FAM13B: variants seen among roughly 807,000 people sequenced by gnomAD.
The protein encoded by FAM13B is protein FAM13B.
Under a neutral mutation model 117.3 loss-of-function variants are expected in FAM13B, and 60 were observed. That is an observed-to-expected ratio of 0.51 (90% CI 0.42 to 0.63). The LOEUF is 0.63. Ranked by LOEUF, FAM13B falls within the 30% of genes least tolerant of loss-of-function variation. FAM13B has a pLI of 0.00. For synonymous variants in FAM13B, 332 were observed against 356.1 expected (o/e 0.93, Z 0.76); for missense variants, 972 against 1,091.9 (o/e 0.89, Z 1.55).
chr5:137,981,071 C>G (rs1048760356), intron 10 of FAM13B, among the ~76,000 whole-genome samples: 1 of 142,980 alleles, frequency 7.0e-6, no homozygotes, highest in African/African-American at 2.6e-5. Flanking sequence ...ACCACTACAC[C>G]TGGCTATTTT....
At chr5:138,046,540 G>T (rs564621860) in intron 1 of FAM13B, among the ~76,000 whole-genome samples, 25 of 152,192 alleles carry the variant, frequency 1.6e-4, no homozygotes, top group African/African-American at 6.0e-4. Context: ...TGTCTTTCTT[G>T]TATATGTTTT....
At chr5:137,990,002 A>G (rs1778210661) in intron 7 of FAM13B, among the ~76,000 whole-genome samples, 1 of 152,208 alleles carries the variant, frequency 6.6e-6, no homozygotes, top group Non-Finnish European at 1.5e-5. Context: ...TCTGTAGAAA[A>G]AAAACAAAAA....
At position 138,028,131 on chromosome 5, in the gene FAM13B, ACTAATACAGAAT is replaced by A. The variant is rs747918177; in HGVS notation, c.-203+4639_-203+4650del. ...AGTAATTTATCAGATACAAAGTATA[ACTAATACAGAAT>A]TCAGGACTAGAAAGTTTTTAAATTA... is the stretch of plus-strand genomic sequence containing the variant. On this transcript the variant is annotated intron_variant, in intron 1 of 23. Coordinates refer to ENST00000689681, the MANE Select transcript of FAM13B (RefSeq NM_001385994.1). Among the ~76,000 whole-genome samples the A allele has an allele frequency of 2.2e-3, 339 of 152,372 alleles. 1 individual carries two copies. The highest frequency in any genetic ancestry group is 2.8e-3 in the Non-Finnish European group (191 of 68,032).
intron 10 of FAM13B, among the ~76,000 whole-genome samples, chr5:137,963,668 G>A (rs1017402926): frequency 3.3e-5 from 5 of 152,270 alleles, no homozygotes; most frequent in East Asian, 1.9e-4. Flanking sequence ...GGTACCGATC[G>A]CTAGCCTGTT....
intron 10 of FAM13B, among the ~76,000 whole-genome samples, chr5:137,966,328 A>G (rs1441525971): frequency 1.3e-5 from 2 of 150,910 alleles, no homozygotes; most frequent in Non-Finnish European, 3.0e-5. Flanking sequence ...TCCCAGCTAC[A>G]TGGGAGGCTG....
At position 137,949,134 on chromosome 5, in the gene FAM13B, G is replaced by A. The variant is rs140846253; in HGVS notation, c.1981C>T (p.Arg661Cys). ...AAGCTTTTTGGAAGTGTGTTACTAC[G>A]TGGACGTGTCTGAGGTACAAATTCT... ...DGEFVPQTRPRSNTLPKSFGS... is the reference protein window; with the variant it reads ...DGEFVPQTRPCSNTLPKSFGS... Residue 661 changes from arginine (R) to cysteine (C), a missense_variant, in exon 18 of 24, where the codon CGT becomes TGT. Arg to Cys is a radical substitution (Grantham distance 180). Coordinates refer to ENST00000689681, the MANE Select transcript of FAM13B (RefSeq NM_001385994.1). The A allele has an allele frequency of 3.7e-5, 59 of 1,613,956 alleles. 1 individual carries two copies. In the Admixed American group the frequency reaches 6.0e-4, roughly 16 times the overall value.
At chr5:137,991,720 C>CT (rs1778640264) in intron 7 of FAM13B, among the ~76,000 whole-genome samples, 1 of 152,116 alleles carries the variant, frequency 6.6e-6, no homozygotes, top group African/African-American at 2.4e-5. Flanking sequence ...AATTTGGTAT[C>CT]CATATGGGAA....
intron 18 of FAM13B, 109 bp downstream of exon 18, chr5:137,948,827 AATCTGCAAAGATGGGGAGC>A: frequency 3.0e-6 from 2 of 673,414 alleles, no homozygotes; most frequent in Non-Finnish European, 2.6e-6. Context: ...CATGTTTCTG[AATCTGCAAAGATGGGGAGC>A]AGATTCAGGA....
At chr5:137,969,619 T>G (rs1379178651) in intron 10 of FAM13B, among the ~76,000 whole-genome samples, 1 of 152,202 alleles carries the variant, frequency 6.6e-6, no homozygotes, top group Non-Finnish European at 1.5e-5. Flanking sequence ...AGAATGACTT[T>G]GACGACCTGA....
At chr5:137,971,395 G>C (rs1055220633) in intron 10 of FAM13B, among the ~76,000 whole-genome samples, 8 of 151,524 alleles carry the variant, frequency 5.3e-5, no homozygotes, top group African/African-American at 1.9e-4. Flanking sequence ...CAGAAATAAA[G>C]ATGTTCTTTG....
At chr5:138,048,769 T>C (rs985077797) in intron 1 of FAM13B, among the ~76,000 whole-genome samples, 4 of 152,152 alleles carry the variant, frequency 2.6e-5, no homozygotes, top group African/African-American at 4.8e-5. Flanking sequence ...TATATATGCA[T>C]TACATGCTCT....
chr5:138,050,092 C>G (rs1000898769), intron 1 of FAM13B, among the ~76,000 whole-genome samples: 1 of 151,984 alleles, frequency 6.6e-6, no homozygotes, highest in African/African-American at 2.4e-5. Flanking sequence ...AAGCTATGAT[C>G]ACTCAACTGT....
intron 10 of FAM13B, among the ~76,000 whole-genome samples, chr5:137,974,222 T>C (rs897656634): frequency 3.3e-5 from 5 of 151,612 alleles, no homozygotes; most frequent in South Asian, 4.2e-4. Flanking sequence ...CCAACAATGA[T>C]AGACTGGATT....
chr5:138,020,100 G>T, intron 2 of FAM13B: 1 of 736,450 alleles, frequency 1.4e-6, no homozygotes, highest in Non-Finnish European at 1.7e-6. Context: ...CGCTCTTTTT[G>T]CCCAGGCTGG....
chr5:137,939,982 A>C lies in FAM13B; in HGVS notation c.*243T>G. 6.4e-7 allele frequency: 1 copy of C among 1,555,984 alleles called. No homozygotes were observed. The highest frequency in any genetic ancestry group is 8.7e-7 in the Non-Finnish European group (1 of 1,152,112). On this transcript the variant is annotated 3_prime_UTR_variant, in exon 24 of 24. Coordinates refer to ENST00000689681, the MANE Select transcript of FAM13B (RefSeq NM_001385994.1). ...ATCTGTAGTACAAAACAATGAAGTA[A>C]ACCATATGTTTGCTAAAGGTGGAGA...
In FAM13B at chr5:137,956,541, C is replaced by T. The variant is rs753844164; in HGVS notation, c.1443G>A (p.Ala481=). 2.3e-5 allele frequency: 36 copies of T among 1,587,426 alleles called. 1 individual carries two copies. The highest frequency in any genetic ancestry group is 8.1e-5 in the African/African-American group (6 of 74,490). ...KNVSDGDKWE[A]SCPITFPLID... Reference sequence around the variant, plus strand: ...TGAGGGGAAAAGTGATAGGGCATGACGCTAATAAAATGGAAAAAATGGCAA... The same window carrying T: ...TGAGGGGAAAAGTGATAGGGCATGATGCTAATAAAATGGAAAAAATGGCAA... Residue 481 remains alanine (A), a splice_region_variant and synonymous_variant, in exon 14 of 24, where the codon GCG becomes GCA. Coordinates refer to ENST00000689681, the MANE Select transcript of FAM13B (RefSeq NM_001385994.1).
intron 10 of FAM13B, among the ~76,000 whole-genome samples, chr5:137,964,582 G>A (rs1012023563): frequency 2.0e-5 from 3 of 151,488 alleles, no homozygotes; most frequent in African/African-American, 4.8e-5. Context: ...TTAGCCGGGC[G>A]TGGTAGCACA....
At chr5:137,967,004 G>A (rs1246031337) in intron 10 of FAM13B, among the ~76,000 whole-genome samples, 1 of 151,824 alleles carries the variant, frequency 6.6e-6, no homozygotes, top group Non-Finnish European at 1.5e-5. Context: ...ATATTCAAAT[G>A]TAGAAAATGA....
intron 1 of FAM13B, among the ~76,000 whole-genome samples, chr5:138,030,917 TA>T (rs1789781466): frequency 6.6e-6 from 1 of 151,608 alleles, no homozygotes; most frequent in Non-Finnish European, 1.5e-5. Context: ...CCGGTAGTCC[TA>T]GCTACTCGGG....
Sources: allele counts gnomAD v4.1 joint callset (sites outside exome capture counted in the v4.1 genomes callset), GRCh38; gene constraint gnomAD v4.1.1; transcripts MANE v1.5; gene names NCBI Gene and HGNC (gene_info 2026-07-23, HGNC 2026-07-21).